The following ROR1 variants were observed in gnomAD, a reference collection of about 807,000 sequenced individuals.
ROR1 encodes the protein inactive tyrosine-protein kinase transmembrane receptor ROR1.
In ROR1, 19 loss-of-function variants were observed where a neutral mutation model predicts 78.8. That is an observed-to-expected ratio of 0.24 (90% CI 0.17 to 0.35). The LOEUF is 0.35. Among genes scored for constraint, ROR1 ranks in the 10% least tolerant of loss-of-function variants. The pLI is 1.00. For missense variants in ROR1, 917 were observed against 1,177.8 expected (o/e 0.78, Z 3.24); for synonymous variants, 386 against 433.6 (o/e 0.89, Z 1.36).
At chr1:63,929,775 A>G (rs943695714) in intron 1 of ROR1, among the ~76,000 whole-genome samples, 2 of 152,178 alleles carry the variant, frequency 1.3e-5, no homozygotes, top group Non-Finnish European at 2.9e-5. Flanking sequence ...TTCCTTCAGT[A>G]GCTCATGTGA....
At chr1:64,091,662 T>A (rs1647198361) in intron 4 of ROR1, among the ~76,000 whole-genome samples, 1 of 152,068 alleles carries the variant, frequency 6.6e-6, no homozygotes, top group Non-Finnish European at 1.5e-5. Flanking sequence ...TCCTTCTCAC[T>A]CCACACCACA....
chr1:64,065,488 A>AGAT (rs1646949250), intron 4 of ROR1, among the ~76,000 whole-genome samples: 1 of 152,200 alleles, frequency 6.6e-6, no homozygotes, highest in South Asian at 2.1e-4. Context: ...AGCAGAAGAC[A>AGAT]GATAGGTAAT....
At chr1:64,031,152 G>A (rs1309791179) in intron 2 of ROR1, among the ~76,000 whole-genome samples, 2 of 152,186 alleles carry the variant, frequency 1.3e-5, no homozygotes. Context: ...ATAGGCATGA[G>A]CCACCACGCC....
intron 1 of ROR1, among the ~76,000 whole-genome samples, chr1:63,992,147 C>T (rs1646301387): frequency 6.6e-6 from 1 of 151,834 alleles, no homozygotes; most frequent in African/African-American, 2.4e-5. Flanking sequence ...CATTAAATAG[C>T]AGAGAATGGA....
intron 1 of ROR1, among the ~76,000 whole-genome samples, chr1:63,963,279 A>C (rs1646046562): frequency 6.6e-6 from 1 of 152,138 alleles, no homozygotes; most frequent in Admixed American, 6.5e-5. Flanking sequence ...TTAGAAAAAT[A>C]ATTCTGGGCT....
At chr1:63,908,603 C>G (rs1049481024) in intron 1 of ROR1, among the ~76,000 whole-genome samples, 2 of 152,164 alleles carry the variant, frequency 1.3e-5, no homozygotes, top group African/African-American at 4.8e-5. Flanking sequence ...CTGTTGAGAA[C>G]CCATCTTTAC....
chr1:64,140,881 T>C (rs1649290231), intron 6 of ROR1, among the ~76,000 whole-genome samples: 1 of 152,104 alleles, frequency 6.6e-6, no homozygotes, highest in African/African-American at 2.4e-5. Flanking sequence ...AGGAATGAAA[T>C]ACAGATACGT....
chr1:64,158,073 T>C (rs957709508), intron 7 of ROR1, among the ~76,000 whole-genome samples: 56 of 152,246 alleles, frequency 3.7e-4, no homozygotes, highest in African/African-American at 1.3e-3. Context: ...AATTCATTAA[T>C]GACAATATAT....
At chr1:64,089,983 A>G (rs1000978951) in intron 4 of ROR1, among the ~76,000 whole-genome samples, 13 of 152,108 alleles carry the variant, frequency 8.5e-5, no homozygotes, top group Admixed American at 7.2e-4. Flanking sequence ...CATGTAAGAC[A>G]CTTGGTTCTC....
At chr1:63,997,133 G>C (rs1344424896) in intron 1 of ROR1, among the ~76,000 whole-genome samples, 1 of 152,160 alleles carries the variant, frequency 6.6e-6, no homozygotes. Context: ...TTAAGTGGCT[G>C]AGAATCAAGG....
chr1:63,860,620 A>G (rs1025516959), intron 1 of ROR1, among the ~76,000 whole-genome samples: 1 of 133,258 alleles, frequency 7.5e-6, no homozygotes, highest in African/African-American at 2.8e-5. Flanking sequence ...CACACACAAA[A>G]TAGCCAGGTG....
At chr1:63,790,258 G>A (rs1296240247) in intron 1 of ROR1, among the ~76,000 whole-genome samples, 1 of 152,164 alleles carries the variant, frequency 6.6e-6, no homozygotes, top group African/African-American at 2.4e-5. Context: ...AATGGATTCT[G>A]CTTTTACTTT....
chr1:64,033,159 A>G (rs1306109828), intron 2 of ROR1, among the ~76,000 whole-genome samples: 2 of 152,252 alleles, frequency 1.3e-5, no homozygotes, highest in African/African-American at 2.4e-5. Flanking sequence ...AGAAAGTGCA[A>G]CGTCCTTGGT....
At chr1:63,932,404 T>C (rs1557569031) in intron 1 of ROR1, among the ~76,000 whole-genome samples, 1 of 152,086 alleles carries the variant, frequency 6.6e-6, no homozygotes, top group Non-Finnish European at 1.5e-5. Flanking sequence ...TCGGCAAGAA[T>C]AGCCCGGCCT....
chr1:63,892,780 G>A (rs1645408026), intron 1 of ROR1, among the ~76,000 whole-genome samples: 2 of 152,128 alleles, frequency 1.3e-5, no homozygotes, highest in Non-Finnish European at 2.9e-5. Flanking sequence ...GCAGAGTGGA[G>A]GGAGTAGGAC....
chr1:63,800,755 A>G (rs1361410957), intron 1 of ROR1, among the ~76,000 whole-genome samples: 5 of 152,182 alleles, frequency 3.3e-5, no homozygotes, highest in Admixed American at 2.0e-4. Flanking sequence ...GCACATTAAC[A>G]TCTGAGATGT....
At chr1:63,895,489 G>C (rs1383670277) in intron 1 of ROR1, among the ~76,000 whole-genome samples, 1 of 152,218 alleles carries the variant, frequency 6.6e-6, no homozygotes, top group African/African-American at 2.4e-5. Flanking sequence ...GGAATTTGAA[G>C]TGGAGGTAGT....
Position 63,774,493 on chromosome 1 carries a change from G to T in ROR1, c.76G>T (p.Gly26Trp). The T allele has an allele frequency of 1.7e-6, 2 of 1,144,498 alleles. No individual in the cohort carries two copies. Among genetic ancestry groups the T allele is most frequent in the Non-Finnish European group, 2.1e-6 (2 of 936,406 alleles). The allele number at this position is 1,144,498 out of a possible 1,614,324, so 70.9% of individuals were successfully genotyped here. Residue 26 changes from glycine (G) to tryptophan (W), a missense_variant, in exon 1 of 9, where the codon GGG (glycine) becomes TGG (tryptophan). Physicochemically the swap from Gly to Trp is radical, Grantham distance 184. Transcript: ENST00000371079. The surrounding 1 kb of genome is among the most constrained non-coding windows in gnomAD (Gnocchi z 5.7). ...GGCCGCGCTGCTGCTGGCCGCACGC[G>T]GGGCTGCTGCCCAAGGTAAGAGGCG... is the stretch of plus-strand genomic sequence containing the variant. ...LLAALLLAAR[G>W]AAAQETELSV... is the part of the protein sequence containing the mutation.
At chr1:63,821,711 A>C (rs553640282) in intron 1 of ROR1, among the ~76,000 whole-genome samples, 1 of 152,288 alleles carries the variant, frequency 6.6e-6, no homozygotes, top group South Asian at 2.1e-4. Context: ...AGTTATGAGG[A>C]AAACAGAAAG....
Sources: gnomAD v4.1 joint callset for allele counts (sites outside exome capture counted in the v4.1 genomes callset) on GRCh38, gnomAD v4.1.1 for gene constraint, Gnocchi (gnomAD v3.1) non-coding constraint, MANE v1.5 for transcripts, NCBI Gene and HGNC (gene_info 2026-07-23, HGNC 2026-07-21) for gene names.